KIAA0825: variants seen among roughly 807,000 people sequenced by gnomAD.
KIAA0825 encodes the protein KIAA0825.
Under a neutral mutation model 147.6 loss-of-function variants are expected in KIAA0825, and 119 were observed. The ratio of observed to expected loss-of-function variants is 0.81; its 90% CI spans 0.69 to 0.94. KIAA0825 has a LOEUF of 0.94. Among genes scored for constraint, KIAA0825 ranks in the 40% least tolerant of loss-of-function variants. The probability of loss-of-function intolerance (pLI) is 0.00; values close to 1 mark genes in which losing one functional copy is unlikely to be tolerated. For missense variants in KIAA0825, 1,381 were observed against 1,472.7 expected (o/e 0.94, Z 1.02); for synonymous variants, 470 against 518.1 (o/e 0.91, Z 1.26).
At chr5:94,428,999 A>T (rs947028092) in intron 14 of KIAA0825, among the ~76,000 whole-genome samples, 2 of 152,054 alleles carry the variant, frequency 1.3e-5, no homozygotes, top group Non-Finnish European at 2.9e-5. Context: ...TAAAGCTTTC[A>T]GTTTTACTTT....
At chr5:94,282,307 A>G (rs563767845) in intron 20 of KIAA0825, among the ~76,000 whole-genome samples, 1 of 152,222 alleles carries the variant, frequency 6.6e-6, no homozygotes, top group East Asian at 1.9e-4. Context: ...TTTTTTTATG[A>G]ATTCAAACTT....
At chr5:94,433,370 C>A (rs1370387941) in intron 14 of KIAA0825, among the ~76,000 whole-genome samples, 2 of 152,128 alleles carry the variant, frequency 1.3e-5, no homozygotes, top group African/African-American at 4.8e-5. Context: ...ATGGTAGTAG[C>A]CTTTTAGTCA....
chr5:94,577,152 G>C (rs1376713), intron 2 of KIAA0825, among the ~76,000 whole-genome samples: 15,884 of 152,054 alleles, frequency 0.1, 987 homozygotes, highest in East Asian at 0.23. Flanking sequence ...GTTTGGCTTA[G>C]AGATTTTTAG....
At chr5:94,164,613 G>C (rs563811803) in intron 20 of KIAA0825, among the ~76,000 whole-genome samples, 1 of 151,852 alleles carries the variant, frequency 6.6e-6, no homozygotes, top group Non-Finnish European at 1.5e-5. Flanking sequence ...GGGTTTCACC[G>C]TGTTAGCCAG....
chr5:94,242,542 T>A (rs5004465), intron 20 of KIAA0825, among the ~76,000 whole-genome samples: 1 of 152,050 alleles, frequency 6.6e-6, no homozygotes, highest in Non-Finnish European at 1.5e-5. Context: ...TCTCCTTGTA[T>A]ATTTTTCTTT....
chr5:94,472,404 G>C (rs1761313373), intron 8 of KIAA0825, among the ~76,000 whole-genome samples: 1 of 152,150 alleles, frequency 6.6e-6, no homozygotes. Flanking sequence ...TGGAGACTTA[G>C]AGTGACTGTG....
chr5:94,593,856 C>G, intron 1 of KIAA0825: 1 of 354,300 alleles, frequency 2.8e-6, no homozygotes, highest in South Asian at 2.4e-5. Context: ...ACTGAGATGT[C>G]CATTCTGGCC....
intron 6 of KIAA0825, among the ~76,000 whole-genome samples, chr5:94,482,515 G>C (rs941226209): frequency 6.6e-6 from 1 of 151,954 alleles, no homozygotes; most frequent in Non-Finnish European, 1.5e-5. Context: ...AGATTTCTAA[G>C]CAAAACATTA....
chr5:94,524,884 T>G (rs1205382162), intron 3 of KIAA0825, among the ~76,000 whole-genome samples: 1 of 151,922 alleles, frequency 6.6e-6, no homozygotes, highest in African/African-American at 2.4e-5. Flanking sequence ...AAATTTCCAT[T>G]CAAAGTATCC....
intron 3 of KIAA0825, among the ~76,000 whole-genome samples, chr5:94,532,784 C>T (rs1381844874): frequency 1.3e-5 from 2 of 149,480 alleles, no homozygotes; most frequent in Non-Finnish European, 3.0e-5. Flanking sequence ...ATCTTCCTGC[C>T]TTGGCCTCCC....
intron 8 of KIAA0825, among the ~76,000 whole-genome samples, chr5:94,472,670 G>C (rs754600185): frequency 5.9e-5 from 9 of 152,294 alleles, no homozygotes; most frequent in Non-Finnish European, 1.0e-4. Context: ...CGTGAACCCA[G>C]GAGGCGGAGC....
In KIAA0825 at chr5:94,473,453, C is replaced by T. The variant is rs1040693306; in HGVS notation, c.1294G>A (p.Val432Ile). ...KEVSLPMAHC[V>I]VTAIEGFSTK... ...GAAAAACCTTCAATTGCAGTTACTA[C>T]GCAGTGCGCCATGGGAAGAGACACT... is the stretch of plus-strand genomic sequence containing the variant. The change falls in exon 8 of 21, where the codon GTA (valine) becomes ATA (isoleucine). Residue 432 changes from valine to isoleucine, a missense_variant. Coordinates refer to ENST00000682413, the MANE Select transcript of KIAA0825 (RefSeq NM_001145678.3). 37 of 1,551,824 alleles carry T rather than the reference C, an allele frequency of 2.4e-5. No homozygotes were observed. The highest frequency in any genetic ancestry group is 1.7e-4 in the Middle Eastern group (1 of 5,994).
chr5:94,561,744 C>A (rs949933631), intron 2 of KIAA0825, among the ~76,000 whole-genome samples: 2 of 152,158 alleles, frequency 1.3e-5, no homozygotes, highest in Non-Finnish European at 2.9e-5. Flanking sequence ...AATTCCTATT[C>A]CAATTAAATA....
At chr5:94,260,291 T>C (rs1053361919) in intron 20 of KIAA0825, among the ~76,000 whole-genome samples, 1 of 152,162 alleles carries the variant, frequency 6.6e-6, no homozygotes, top group Admixed American at 6.5e-5. Flanking sequence ...TTTACAGTAA[T>C]AGATTCTCTT....
At chr5:94,324,144 C>T (rs1364483048) in intron 20 of KIAA0825, among the ~76,000 whole-genome samples, 1 of 151,884 alleles carries the variant, frequency 6.6e-6, no homozygotes, top group Non-Finnish European at 1.5e-5. Context: ...TTTTACTAGG[C>T]CCACACAAGA....
chr5:94,151,249 C>G lies in KIAA0825; in HGVS notation c.*2758G>C, dbSNP rs1412468059. ...TGGCTAACAAGGTGAAACCCCGTCT[C>G]TACTAAAAATACAAAAAAGTAGCCG... On this transcript the variant is annotated 3_prime_UTR_variant, in exon 21 of 21. Transcript: ENST00000682413. 6.7e-6 allele frequency among the ~76,000 whole-genome samples: 1 copy of G among 150,028 alleles called. No individual in the cohort carries two copies. The highest frequency in any genetic ancestry group is 2.5e-5 in the African/African-American group (1 of 40,766).
chr5:94,605,884 T>C (rs1787399081), intron 1 of KIAA0825, among the ~76,000 whole-genome samples: 1 of 152,170 alleles, frequency 6.6e-6, no homozygotes, highest in African/African-American at 2.4e-5. Context: ...GCCACTTCCA[T>C]TCAACATAGT....
chr5:94,505,478 C>A (rs75783746), intron 5 of KIAA0825, among the ~76,000 whole-genome samples: 1 of 151,386 alleles, frequency 6.6e-6, no homozygotes, highest in Non-Finnish European at 1.5e-5. Context: ...TATGGCATAA[C>A]TAAGAGCATA....
chr5:94,516,626 C>A (rs1272911721), intron 5 of KIAA0825, among the ~76,000 whole-genome samples: 1 of 144,484 alleles, frequency 6.9e-6, no homozygotes, highest in African/African-American at 2.6e-5. Flanking sequence ...CCCGTCTCTA[C>A]TAAAAATACA....
Sources: gnomAD v4.1 joint callset for allele counts (sites outside exome capture counted in the v4.1 genomes callset) on GRCh38, gnomAD v4.1.1 for gene constraint, MANE v1.5 for transcripts, NCBI Gene and HGNC (gene_info 2026-07-23, HGNC 2026-07-21) for gene names.